CAPN13: variants seen among roughly 807,000 people sequenced by gnomAD.
CAPN13 encodes calpain-13.
Under a neutral mutation model 98.4 loss-of-function variants are expected in CAPN13, and 90 were observed. The ratio of observed to expected loss-of-function variants is 0.92; its 90% CI spans 0.77 to 1.09. CAPN13 has a LOEUF of 1.09. Ranked by LOEUF, CAPN13 falls within the 50% of genes least tolerant of loss-of-function variation. The pLI is 0.00. For missense variants in CAPN13, 887 were observed against 841.3 expected (o/e 1.05, Z -0.67); for synonymous variants, 330 against 305.5 (o/e 1.08, Z -0.84).
At chr2:30,791,720 C>T (rs1674617802) in intron 1 of CAPN13, among the ~76,000 whole-genome samples, 1 of 152,212 alleles carries the variant, frequency 6.6e-6, no homozygotes, top group Non-Finnish European at 1.5e-5. Context: ...CTGCCTCATA[C>T]ACACTAAACA....
At chr2:30,775,720 T>C (rs1428994013) in intron 4 of CAPN13, among the ~76,000 whole-genome samples, 1 of 152,222 alleles carries the variant, frequency 6.6e-6, no homozygotes, top group Non-Finnish European at 1.5e-5. Flanking sequence ...GTCATTTCTT[T>C]TTATTTACAC....
At chr2:30,804,972 A>T (rs1675523486) in intron 1 of CAPN13, among the ~76,000 whole-genome samples, 1 of 152,144 alleles carries the variant, frequency 6.6e-6, no homozygotes, top group Non-Finnish European at 1.5e-5. Flanking sequence ...CTTAGGTGCC[A>T]TCTCAGGTTC....
At position 30,732,834 on chromosome 2, in the gene CAPN13, G is replaced by A. The variant is rs188637562; in HGVS notation, c.1799-268C>T. On this transcript the variant is annotated intron_variant, in intron 19 of 22. Coordinates refer to ENST00000295055, the MANE Select transcript of CAPN13 (RefSeq NM_144575.3). ...TTCACAATCATCTGATCATTCCCAC[G>A]TAATGGGAGAGCTGCTGGGACACCT... Among the ~76,000 whole-genome samples the A allele has an allele frequency of 9.6e-4, 146 of 152,288 alleles. 1 individual carries two copies. The highest frequency in any genetic ancestry group is 3.0e-3 in the African/African-American group (124 of 41,550).
At chr2:30,761,249 G>A (rs891688140) in intron 7 of CAPN13, among the ~76,000 whole-genome samples, 10 of 152,276 alleles carry the variant, frequency 6.6e-5, no homozygotes, top group South Asian at 4.1e-4. Flanking sequence ...TGGATTACAC[G>A]GGACATGCGG....
intron 22 of CAPN13, among the ~76,000 whole-genome samples, chr2:30,723,587 T>G (rs1558600903): frequency 6.6e-6 from 1 of 152,108 alleles, no homozygotes; most frequent in African/African-American, 2.4e-5. Context: ...CCAGGCAGGT[T>G]AGAAGGGCTG....
chr2:30,758,456 T>A (rs979417224), intron 7 of CAPN13, among the ~76,000 whole-genome samples: 5 of 152,162 alleles, frequency 3.3e-5, no homozygotes, highest in African/African-American at 1.2e-4. Context: ...CAGCAGGGGA[T>A]GTTGCTTCGG....
intron 1 of CAPN13, among the ~76,000 whole-genome samples, chr2:30,794,218 A>C (rs561935841): frequency 8.6e-4 from 131 of 151,984 alleles, no homozygotes; most frequent in Middle Eastern, 3.4e-3. Context: ...CAGAAAAAAA[A>C]CCCACTAAAA....
At chr2:30,751,653 C>T (rs1672180649) in intron 10 of CAPN13, among the ~76,000 whole-genome samples, 1 of 152,188 alleles carries the variant, frequency 6.6e-6, no homozygotes, top group Non-Finnish European at 1.5e-5. Context: ...ATGGCAATTA[C>T]AGTACTCTTC....
At chr2:30,754,446 T>C (rs944681179) in intron 8 of CAPN13, 82 bp from the exon 9 acceptor site, 2 of 1,144,204 alleles carry the variant, frequency 1.7e-6, no homozygotes, top group African/African-American at 3.2e-5. Flanking sequence ...AGGGACCCTC[T>C]GTACATGTCA....
intron 1 of CAPN13, among the ~76,000 whole-genome samples, chr2:30,800,153 A>AAAGAAAGAAAGAAAGT (rs1558351734): frequency 8.0e-5 from 12 of 149,424 alleles, no homozygotes; most frequent in African/African-American, 3.0e-4. Context: ...AGAAAGAAAG[A>AAAGAAAGAAAGAAAGT]AAGAAAGAAA....
At chr2:30,774,102 G>GA (rs1491258001) in intron 4 of CAPN13, among the ~76,000 whole-genome samples, 3 of 151,522 alleles carry the variant, frequency 2.0e-5, no homozygotes, top group African/African-American at 7.3e-5. Context: ...ACCCCTATAT[G>GA]AAAAAAGATA....
rs116025795 is a variant in CAPN13 at position 30,761,021 on chromosome 2, G to A, written c.774+2061C>T. On this transcript the variant is annotated intron_variant, in intron 7 of 22. Coordinates refer to ENST00000295055, the MANE Select transcript of CAPN13 (RefSeq NM_144575.3). ...TTAACAGTTATTCCTAGCAAAAATG[G>A]TTTTGTGGCTAATGGTACAATAAAA... Among the ~76,000 whole-genome samples the A allele has an allele frequency of 7.6e-3, 1,158 of 152,328 alleles. 10 individuals are homozygous for A. The highest frequency in any genetic ancestry group is 0.026 in the African/African-American group (1,096 of 41,572).
chr2:30,730,627 C>A, intron 22 of CAPN13, 103 bp downstream of exon 22: 1 of 676,256 alleles, frequency 1.5e-6, no homozygotes, highest in Non-Finnish European at 2.7e-6. Flanking sequence ...TCTGTCATCC[C>A]TGGGGAGGCT....
chr2:30,803,145 G>T lies in CAPN13; in HGVS notation c.-33+4157C>A, dbSNP rs1160683217. On this transcript the variant is annotated intron_variant, in intron 1 of 22. Transcript: ENST00000295055. ...GCTTAATGGTATATGTAGTTCAGCT[G>T]GTTGGCTGCCACGTCTGGTTAAGGA... Among the ~76,000 whole-genome samples, 6 of 152,228 alleles carry T rather than the reference G, an allele frequency of 3.9e-5. No homozygotes were observed. In the South Asian group the frequency reaches 8.3e-4, roughly 21 times the overall value.
intron 2 of CAPN13, among the ~76,000 whole-genome samples, chr2:30,778,218 G>C (rs533426048): frequency 6.6e-6 from 1 of 152,184 alleles, no homozygotes; most frequent in Non-Finnish European, 1.5e-5. Flanking sequence ...TGTGTGAGGA[G>C]CTGGTACTCA....
At chr2:30,742,645 T>C (rs1321579714) in intron 13 of CAPN13, among the ~76,000 whole-genome samples, 3 of 152,178 alleles carry the variant, frequency 2.0e-5, no homozygotes, top group Non-Finnish European at 4.4e-5. Context: ...GGCTCTGCCT[T>C]AGGTTCCATC....
chr2:30,802,416 T>C (rs1675332424), intron 1 of CAPN13, among the ~76,000 whole-genome samples: 1 of 151,650 alleles, frequency 6.6e-6, no homozygotes, highest in South Asian at 2.1e-4. Context: ...ATTAAATATG[T>C]CAAAAAGCAA....
chr2:30,800,970 T>G (rs1675235987), intron 1 of CAPN13, among the ~76,000 whole-genome samples: 1 of 152,234 alleles, frequency 6.6e-6, no homozygotes, highest in Admixed American at 6.5e-5. Flanking sequence ...TTTTTCTTTT[T>G]TCATCCTTGA....
At chr2:30,764,860 G>A (rs1673035201) in intron 5 of CAPN13, among the ~76,000 whole-genome samples, 2 of 152,110 alleles carry the variant, frequency 1.3e-5, no homozygotes. Flanking sequence ...GCTGGCAGTG[G>A]ACATTGGGAG....
Sources: gnomAD v4.1 joint callset for allele counts (sites outside exome capture counted in the v4.1 genomes callset) on GRCh38, gnomAD v4.1.1 for gene constraint, MANE v1.5 for transcripts, NCBI Gene and HGNC (gene_info 2026-07-23, HGNC 2026-07-21) for gene names.